The following BARX2 variants were observed in gnomAD, a reference collection of about 807,000 sequenced individuals.
BARX2 encodes the protein homeobox protein BarH-like 2.
BARX2 carries 11 observed loss-of-function variants against 25.5 expected under a neutral mutation model. The ratio of observed to expected loss-of-function variants is 0.43; its 90% CI spans 0.27 to 0.71. BARX2 has a LOEUF of 0.71. Ranked by LOEUF, BARX2 falls within the 30% of genes least tolerant of loss-of-function variation. The pLI, the probability that BARX2 is intolerant of heterozygous loss-of-function variation, is 0.19. For synonymous variants in BARX2, 137 were observed against 149.5 expected, an observed-to-expected ratio of 0.92 and a Z score of 0.61; for missense variants, 360 against 359.9, an observed-to-expected ratio of 1.00 and a Z score of 0.00.
rs761421281 is a variant in BARX2, at chr11:129,376,027, C to T, written c.-9C>T. 1.3e-6 allele frequency: 2 copies of T among 1,494,422 alleles called. No homozygotes were observed. Among genetic ancestry groups the T allele is most frequent in the South Asian group, 1.3e-5 (1 of 76,214 alleles). 92.6% of individuals were successfully genotyped at this position (1,494,422 alleles called of 1,614,324 possible). A position where few individuals can be genotyped will look rare whatever the true frequency, so the allele number is the denominator to read the frequency against. On this transcript the variant is annotated 5_prime_UTR_variant, in exon 1 of 4. Transcript: ENST00000281437. This position sits in a 1 kb window ranked among gnomAD's most constrained non-coding sequence, Gnocchi z 4.2. Reference sequence around the variant, plus strand: ...CGCTCGGGCCGGCGGACGCTCGCGCCGGCTCACCATGCACTGCCACGCCGA... The same window carrying T: ...CGCTCGGGCCGGCGGACGCTCGCGCTGGCTCACCATGCACTGCCACGCCGA...
chr11:129,417,926 C>T (rs1861962602), intron 1 of BARX2, among the ~76,000 whole-genome samples: 1 of 152,164 alleles, frequency 6.6e-6, no homozygotes, highest in Non-Finnish European at 1.5e-5. Flanking sequence ...AGAAGAGATC[C>T]TGCAGTTTAA....
chr11:129,435,563 G>T (rs1239834799), intron 1 of BARX2, among the ~76,000 whole-genome samples: 1 of 152,176 alleles, frequency 6.6e-6, no homozygotes, highest in African/African-American at 2.4e-5. Flanking sequence ...TCACTTTTCA[G>T]GGCTGGACTG....
chr11:129,449,488 G>A (rs61911763), intron 3 of BARX2, among the ~76,000 whole-genome samples: 3,740 of 152,302 alleles, frequency 0.025, 69 homozygotes, highest in Middle Eastern at 0.037. Context: ...CAGGTCCTCT[G>A]GAAGCCCTTC....
chr11:129,408,863 C>T (rs1486460770), intron 1 of BARX2, among the ~76,000 whole-genome samples: 1 of 152,170 alleles, frequency 6.6e-6, no homozygotes, highest in African/African-American at 2.4e-5. Flanking sequence ...ATTTTGTCTA[C>T]CACAGGTGCT....
intron 1 of BARX2, among the ~76,000 whole-genome samples, chr11:129,390,000 G>A (rs1336073892): frequency 6.6e-6 from 1 of 152,194 alleles, no homozygotes; most frequent in East Asian, 1.9e-4. Context: ...ACTGCCTGAG[G>A]AAGAGTTCCA....
chr11:129,417,451 T>C (rs1368376839), intron 1 of BARX2, among the ~76,000 whole-genome samples: 1 of 151,992 alleles, frequency 6.6e-6, no homozygotes, highest in Admixed American at 6.6e-5. Context: ...GGATGGAGAG[T>C]GGTGGGCTTG....
intron 1 of BARX2, among the ~76,000 whole-genome samples, chr11:129,378,857 A>C (rs974533733): frequency 8.6e-5 from 13 of 150,570 alleles, no homozygotes; most frequent in Admixed American, 8.6e-4. Context: ...AAAAAAAAAA[A>C]CACTGCATAA....
At chr11:129,442,668 G>A (rs1387185275) in intron 2 of BARX2, 167 bp from the exon 3 acceptor site, 1 of 690,982 alleles carries the variant, frequency 1.4e-6, no homozygotes, top group East Asian at 2.8e-5. Flanking sequence ...TCCTCTGTTG[G>A]ATTCTTGGAA....
intron 1 of BARX2, among the ~76,000 whole-genome samples, chr11:129,401,819 G>C (rs1861778352): frequency 2.0e-5 from 3 of 152,090 alleles, no homozygotes. Flanking sequence ...AGCCAGGTGT[G>C]GTGGCAGACA....
intron 1 of BARX2, among the ~76,000 whole-genome samples, chr11:129,434,542 C>T (rs573395445): frequency 1.7e-4 from 25 of 151,338 alleles, no homozygotes; most frequent in East Asian, 1.4e-3. Context: ...TGAGCCACCA[C>T]ACCTGAACTA....
At chr11:129,380,816 T>G (rs1477084475) in intron 1 of BARX2, among the ~76,000 whole-genome samples, 1 of 151,996 alleles carries the variant, frequency 6.6e-6, no homozygotes, top group African/African-American at 2.4e-5. Flanking sequence ...GAGTCAGTTT[T>G]TTTTTTTTTT....
intron 2 of BARX2, among the ~76,000 whole-genome samples, chr11:129,440,088 G>C (rs548288344): frequency 6.6e-6 from 1 of 152,196 alleles, no homozygotes; most frequent in East Asian, 1.9e-4. Context: ...GCCTCCCTAC[G>C]TGACCAGGGC....
intron 1 of BARX2, among the ~76,000 whole-genome samples, chr11:129,407,977 C>T (rs375604369): frequency 9.2e-5 from 12 of 130,062 alleles, no homozygotes; most frequent in African/African-American, 1.8e-4. Flanking sequence ...CAAGGCGGGC[C>T]GATCATGAGG....
intron 1 of BARX2, among the ~76,000 whole-genome samples, chr11:129,396,231 A>C (rs919937707): frequency 2.0e-5 from 3 of 152,116 alleles, no homozygotes; most frequent in Non-Finnish European, 2.9e-5. Context: ...TATGGTTTTG[A>C]ACCTTACTAA....
intron 1 of BARX2, among the ~76,000 whole-genome samples, chr11:129,427,941 G>A (rs547203284): frequency 6.6e-6 from 1 of 152,284 alleles, no homozygotes; most frequent in Non-Finnish European, 1.5e-5. Context: ...CAAGCTCCCA[G>A]GATGTCTCCG....
chr11:129,433,304 C>G (rs1365601888), intron 1 of BARX2, among the ~76,000 whole-genome samples: 1 of 152,142 alleles, frequency 6.6e-6, no homozygotes, highest in Non-Finnish European at 1.5e-5. Flanking sequence ...TGCACCCCCT[C>G]TCACTGCTGT....
chr11:129,419,286 G>C (rs1011748321), intron 1 of BARX2, among the ~76,000 whole-genome samples: 6 of 151,160 alleles, frequency 4.0e-5, no homozygotes, highest in African/African-American at 1.5e-4. Context: ...TTTCATATTA[G>C]AAATCTCTTG....
chr11:129,422,783 A>T (rs1316216873), intron 1 of BARX2, among the ~76,000 whole-genome samples: 9 of 146,448 alleles, frequency 6.1e-5, no homozygotes, highest in Admixed American at 4.7e-4. Context: ...GGCTCACGGA[A>T]ACCTCTACCT....
At chr11:129,425,972 AT>A (rs1192796080) in intron 1 of BARX2, among the ~76,000 whole-genome samples, 2 of 140,278 alleles carry the variant, frequency 1.4e-5, no homozygotes, top group Non-Finnish European at 3.1e-5. Context: ...TTTCTAATTC[AT>A]TTACATTTAA....
Sources: gnomAD v4.1 joint callset for allele counts (sites outside exome capture counted in the v4.1 genomes callset) on GRCh38, gnomAD v4.1.1 for gene constraint, Gnocchi (gnomAD v3.1) non-coding constraint, MANE v1.5 for transcripts, NCBI Gene and HGNC (gene_info 2026-07-23, HGNC 2026-07-21) for gene names.